PTPRD: variants seen among roughly 807,000 people sequenced by gnomAD.
PTPRD encodes protein tyrosine phosphatase receptor type D.
A neutral mutation model predicts 214.5 loss-of-function variants in PTPRD; 34 were observed. The observed-to-expected ratio is 0.16, with a 90% confidence interval of 0.12 to 0.21. The LOEUF is 0.21. PTPRD is among the 10% of genes least tolerant of loss of function. The pLI is 1.00. For missense variants in PTPRD, 2,545 were observed against 2,398.7 expected (o/e 1.06, Z -1.27); for synonymous variants, 1,128 against 845.7 (o/e 1.33, Z -5.79).
chr9:8,470,735 G>C (rs1008914615), intron 31 of PTPRD, among the ~76,000 whole-genome samples: 3 of 152,116 alleles, frequency 2.0e-5, no homozygotes, highest in African/African-American at 7.2e-5. Flanking sequence ...TTTACAAGGA[G>C]CAAGGGGCAA....
chr9:10,202,882 G>A (rs2099435766), intron 3 of PTPRD, among the ~76,000 whole-genome samples: 1 of 151,730 alleles, frequency 6.6e-6, no homozygotes, highest in Non-Finnish European at 1.5e-5. Context: ...GTGCTAACCA[G>A]GAAGCAGGCC....
At chr9:9,388,715 A>C (rs4237176) in intron 9 of PTPRD, among the ~76,000 whole-genome samples, 132,356 of 152,122 alleles carry the variant, frequency 0.87, 57,676 homozygotes, top group Middle Eastern at 0.9. Context: ...AAATAAAAAT[A>C]TTTTATTCCA....
intron 11 of PTPRD, among the ~76,000 whole-genome samples, chr9:8,807,621 T>C (rs1389324598): frequency 1.3e-5 from 2 of 152,110 alleles, no homozygotes; most frequent in Non-Finnish European, 2.9e-5. Flanking sequence ...TTTAAGGATT[T>C]TGCTTTCTCT....
intron 11 of PTPRD, among the ~76,000 whole-genome samples, chr9:9,000,597 A>T (rs988109678): frequency 1.3e-5 from 2 of 151,966 alleles, no homozygotes; most frequent in Middle Eastern, 3.2e-3. Flanking sequence ...AGCATTTTTA[A>T]TGACCCCCAT....
At chr9:9,526,435 A>G (rs2074137860) in intron 8 of PTPRD, among the ~76,000 whole-genome samples, 1 of 152,200 alleles carries the variant, frequency 6.6e-6, no homozygotes, top group East Asian at 1.9e-4. Flanking sequence ...GGCATTATGT[A>G]ATTTTAAAAA....
chr9:10,012,224 G>T (rs1290677687), intron 4 of PTPRD, among the ~76,000 whole-genome samples: 1 of 151,712 alleles, frequency 6.6e-6, no homozygotes, highest in Non-Finnish European at 1.5e-5. Flanking sequence ...AATATTAAAG[G>T]GATAATCATC....
intron 10 of PTPRD, among the ~76,000 whole-genome samples, chr9:9,129,143 A>C (rs900449975): frequency 3.3e-5 from 5 of 152,188 alleles, no homozygotes; most frequent in African/African-American, 9.6e-5. Context: ...TAATCCCAGC[A>C]CTTTGGGAGG....
chr9:9,786,977 G>T (rs1193849352), intron 5 of PTPRD, among the ~76,000 whole-genome samples: 3 of 151,860 alleles, frequency 2.0e-5, no homozygotes, highest in Admixed American at 2.0e-4. Flanking sequence ...CTCTACTAAA[G>T]ATTCAAAAAA....
chr9:9,197,770 C>T (rs2099939483), intron 9 of PTPRD, among the ~76,000 whole-genome samples: 1 of 152,176 alleles, frequency 6.6e-6, no homozygotes, highest in South Asian at 2.1e-4. Flanking sequence ...TTCCTGTCAA[C>T]ACTCCTTTCA....
chr9:9,014,768 C>T (rs1033511458), intron 11 of PTPRD, among the ~76,000 whole-genome samples: 1 of 152,088 alleles, frequency 6.6e-6, no homozygotes, highest in African/African-American at 2.4e-5. Context: ...AAGATGACTA[C>T]TTAAAACACG....
In PTPRD at chr9:8,557,745, T is replaced by TAA. The variant is rs752836520; in HGVS notation, c.353-28968_353-28967dup. 1.6e-3 allele frequency among the ~76,000 whole-genome samples: 74 copies of TAA among 46,750 alleles called. 1 individual carries two copies. The highest frequency in any genetic ancestry group is 0.027 in the Middle Eastern group (2 of 74). The allele number at this position is 46,750 out of a possible 152,430, so 30.7% of individuals were successfully genotyped here. On this transcript the variant is annotated intron_variant, in intron 14 of 45. Transcript: ENST00000381196. ...GTGACAGAGCGAGACTGTCTCTCAATAAAAAAAAAAAAAAAAAAAAAAGAA... is the reference window on the plus strand; with the variant it reads ...GTGACAGAGCGAGACTGTCTCTCAATAAAAAAAAAAAAAAAAAAAAAAAAGAA...
chr9:10,052,633 G>T (rs2097554827), intron 3 of PTPRD, among the ~76,000 whole-genome samples: 1 of 151,948 alleles, frequency 6.6e-6, no homozygotes, highest in Non-Finnish European at 1.5e-5. Flanking sequence ...TTTTTTTACA[G>T]GTGTAAAACT....
chr9:8,562,629 G>A (rs1208456294), intron 14 of PTPRD, among the ~76,000 whole-genome samples: 3 of 151,930 alleles, frequency 2.0e-5, no homozygotes, highest in African/African-American at 7.3e-5. Context: ...TAGATACGGG[G>A]TTTCACCATG....
chr9:9,557,941 C>T (rs1274836512), intron 8 of PTPRD, among the ~76,000 whole-genome samples: 1 of 152,178 alleles, frequency 6.6e-6, no homozygotes, highest in Non-Finnish European at 1.5e-5. Flanking sequence ...TCATTAGCAG[C>T]TTACTTTCAC....
chr9:8,770,367 T>C (rs769446892), intron 11 of PTPRD, among the ~76,000 whole-genome samples: 1 of 151,992 alleles, frequency 6.6e-6, no homozygotes, highest in Non-Finnish European at 1.5e-5. Flanking sequence ...CGATCCACTA[T>C]CTATTCTAAT....
At chr9:9,950,812 T>A (rs2093384272) in intron 4 of PTPRD, among the ~76,000 whole-genome samples, 1 of 150,178 alleles carries the variant, frequency 6.7e-6, no homozygotes, top group African/African-American at 2.4e-5. Flanking sequence ...CAATAATGCA[T>A]CTTTTTATTA....
At chr9:9,180,440 C>T (rs1460334957) in intron 10 of PTPRD, among the ~76,000 whole-genome samples, 1 of 114,562 alleles carries the variant, frequency 8.7e-6, no homozygotes, top group Non-Finnish European at 1.7e-5. Flanking sequence ...CACAGTGGGG[C>T]CTGTTGTGGG....
At chr9:9,395,397 T>C (rs747023032) in intron 9 of PTPRD, among the ~76,000 whole-genome samples, 1 of 152,138 alleles carries the variant, frequency 6.6e-6, no homozygotes, top group Admixed American at 6.6e-5. Flanking sequence ...CTTGAGAGAC[T>C]CTGAGTTAAT....
intron 4 of PTPRD, among the ~76,000 whole-genome samples, chr9:10,000,061 C>T (rs983722339): frequency 1.3e-5 from 2 of 152,078 alleles, no homozygotes; most frequent in Non-Finnish European, 2.9e-5. Context: ...ATTTAGCCAC[C>T]GAATAATGTA....
Sources: allele counts gnomAD v4.1 joint callset (sites outside exome capture counted in the v4.1 genomes callset), GRCh38; gene constraint gnomAD v4.1.1; transcripts MANE v1.5; gene names NCBI Gene and HGNC (gene_info 2026-07-23, HGNC 2026-07-21).